The following MCF2 variants were observed in gnomAD, a reference collection of about 807,000 sequenced individuals.
The protein encoded by MCF2 is MCF.2 cell line derived transforming sequence, also known as proto-oncogene DBL.
In MCF2, 44 loss-of-function variants were observed where a neutral mutation model predicts 82.5. The ratio of observed to expected loss-of-function variants is 0.53; its 90% CI spans 0.42 to 0.69. MCF2 has a LOEUF of 0.69. MCF2 is among the 30% of genes least tolerant of loss of function. MCF2 has a pLI of 0.00. For synonymous variants in MCF2, 217 were observed against 224.9 expected (o/e 0.96, Z 0.32); for missense variants, 623 against 663.1 (o/e 0.94, Z 0.66).
intron 1 of MCF2, among the ~76,000 whole-genome samples, chrX:139,703,317 G>A (rs1180386522): frequency 3.6e-5 from 4 of 111,538 alleles, no homozygotes; most frequent in African/African-American, 1.3e-4. Context: ...GAGAAATTGA[G>A]TTTCTAGCAA....
intron 1 of MCF2, among the ~76,000 whole-genome samples, chrX:139,660,156 C>T (rs759324941): frequency 2.7e-5 from 3 of 111,747 alleles, no homozygotes; most frequent in Admixed American, 9.5e-5. Flanking sequence ...TTCAGCAAAG[C>T]TTTTACCATG....
exon 25 of MCF2, chrX:139,582,341 C>T (rs1928542729): frequency 1.1e-5 from 7 of 635,390 alleles, no homozygotes; most frequent in Non-Finnish European, 1.8e-5. Flanking sequence ...GCTGTGGTTT[C>T]TTTGCGTGTC....
chrX:139,693,566 C>A, intron 1 of MCF2, among the ~76,000 whole-genome samples: 1 of 110,664 alleles, frequency 9.0e-6, no homozygotes, highest in Middle Eastern at 4.6e-3. Context: ...TTTTCAACTT[C>A]TCGGAGTTGA....
chrX:139,645,829 A>G (rs1240037039), upstream of MCF2, among the ~76,000 whole-genome samples: 1 of 112,021 alleles, frequency 8.9e-6, no homozygotes, highest in African/African-American at 3.2e-5. Flanking sequence ...ATCTGAATAC[A>G]TATTCCCTTA....
chrX:139,621,710 T>C (rs62610999), intron 6 of MCF2, among the ~76,000 whole-genome samples: 2 of 110,795 alleles, frequency 1.8e-5, no homozygotes, highest in Non-Finnish European at 1.9e-5. Context: ...CTTCCTTACA[T>C]CTTATACAAA....
chrX:139,598,620 G>GA (rs1930288680), intron 16 of MCF2, 122 bp from the exon 21 acceptor site: 1 of 388,794 alleles, frequency 2.6e-6, no homozygotes, highest in East Asian at 4.6e-5. Flanking sequence ...ATATTTATTG[G>GA]AAAAATCACT....
At chrX:139,697,012 A>G (rs377469397) in intron 1 of MCF2, among the ~76,000 whole-genome samples, 3 of 112,237 alleles carry the variant, frequency 2.7e-5, no homozygotes, top group African/African-American at 9.7e-5. Flanking sequence ...GTTGGCATCT[A>G]TGTACTTCAA....
chrX:139,675,000 T>C (rs962007627), intron 1 of MCF2, among the ~76,000 whole-genome samples: 3 of 112,285 alleles, frequency 2.7e-5, no homozygotes, highest in Non-Finnish European at 3.8e-5. Flanking sequence ...GTCCCATATT[T>C]CTTGGAGGCT....
chrX:139,685,351 C>A (rs766468772), intron 1 of MCF2, among the ~76,000 whole-genome samples: 2 of 110,676 alleles, frequency 1.8e-5, no homozygotes, highest in Non-Finnish European at 3.8e-5. Flanking sequence ...CAGCCCGGCG[C>A]CACACCCTGG....
At chrX:139,599,578 T>C (rs1930377257) in intron 16 of MCF2, among the ~76,000 whole-genome samples, 1 of 110,926 alleles carries the variant, frequency 9.0e-6, no homozygotes, top group Non-Finnish European at 1.9e-5. Context: ...AGACACCAAG[T>C]ACCTCTGAAA....
chrX:139,604,142 C>CA (rs1416044914), intron 15 of MCF2, among the ~76,000 whole-genome samples: 1 of 111,179 alleles, frequency 9.0e-6, no homozygotes, highest in Non-Finnish European at 1.9e-5. Flanking sequence ...ACTTGGGACA[C>CA]AGAGGAATGG....
chrX:139,632,786 A>C (rs944718207), intron 1 of MCF2, among the ~76,000 whole-genome samples: 3 of 111,634 alleles, frequency 2.7e-5, no homozygotes, highest in African/African-American at 9.7e-5. Flanking sequence ...AAAAACAAAT[A>C]GAATTAGGTG....
At chrX:139,694,105 A>G (rs1051476523) in intron 1 of MCF2, among the ~76,000 whole-genome samples, 5 of 112,041 alleles carry the variant, frequency 4.5e-5, no homozygotes, top group African/African-American at 1.6e-4. Flanking sequence ...CCCAATAAGT[A>G]ATTATGTTAA....
At chrX:139,613,105 G>A in intron 10 of MCF2, 111 bp downstream of exon 14, 1 of 477,676 alleles carries the variant, frequency 2.1e-6, no homozygotes, top group African/African-American at 2.4e-5. Flanking sequence ...GTTACTTGCA[G>A]GTAGAATGCA....
At chrX:139,678,077 C>T (rs780470247) in intron 1 of MCF2, among the ~76,000 whole-genome samples, 11 of 111,512 alleles carry the variant, frequency 9.9e-5, no homozygotes, top group Admixed American at 1.9e-4. Context: ...GTGGAAGGAT[C>T]GCTTGAGCCC....
chrX:139,629,590 C>G, intron 4 of MCF2, 105 bp downstream of exon 7: 1 of 718,604 alleles, frequency 1.4e-6, no homozygotes, highest in Non-Finnish European at 2.0e-6. Flanking sequence ...ACATAAATGT[C>G]TTTTATCTCC....
chrX:139,622,475 C>A (rs1355299724), intron 6 of MCF2, among the ~76,000 whole-genome samples: 1 of 111,558 alleles, frequency 9.0e-6, no homozygotes, highest in African/African-American at 3.3e-5. Context: ...GACTTGGAAC[C>A]AAGCCAAATG....
At chrX:139,647,837 T>C (rs966954274), upstream of MCF2, among the ~76,000 whole-genome samples, 20 of 111,826 alleles carry the variant, frequency 1.8e-4, no homozygotes, top group Non-Finnish European at 2.3e-4. Context: ...GCCTTACATG[T>C]GTTTAAGGTT....
intron 1 of MCF2, among the ~76,000 whole-genome samples, chrX:139,675,972 C>T (rs1355082939): frequency 1.8e-5 from 2 of 112,869 alleles, no homozygotes; most frequent in Admixed American, 1.9e-4. Context: ...GTGCAGTGGG[C>T]TCTGCCCAGT....
Sources: gnomAD v4.1 joint callset for allele counts (sites outside exome capture counted in the v4.1 genomes callset) on GRCh38, gnomAD v4.1.1 for gene constraint, MANE v1.5 for transcripts, NCBI Gene and HGNC (gene_info 2026-07-23, HGNC 2026-07-21) for gene names.